Variants in SH3D19 observed in about 807,000 individuals in gnomAD.
The protein encoded by SH3D19 is SH3 domain-containing protein 19.
Under a neutral mutation model 112.1 loss-of-function variants are expected in SH3D19, and 58 were observed. The ratio of observed to expected loss-of-function variants is 0.52; its 90% CI spans 0.42 to 0.64. The LOEUF (loss-of-function observed/expected upper bound fraction) is 0.64. SH3D19 is among the 30% of genes least tolerant of loss of function. The probability of loss-of-function intolerance (pLI) is 0.00; values close to 1 mark genes in which losing one functional copy is unlikely to be tolerated. For synonymous variants in SH3D19, 391 were observed against 448.5 expected (o/e 0.87, Z 1.62); for missense variants, 1,090 against 1,263.4 (o/e 0.86, Z 2.08).
intron 1 of SH3D19, among the ~76,000 whole-genome samples, chr4:151,227,179 T>C (rs750597063): frequency 6.6e-6 from 1 of 152,186 alleles, no homozygotes; most frequent in Non-Finnish European, 1.5e-5. Flanking sequence ...TGCTTTTAGT[T>C]TTTCCTTAAT....
At chr4:151,177,569 G>A (rs751169933) in intron 4 of SH3D19, among the ~76,000 whole-genome samples, 3 of 152,004 alleles carry the variant, frequency 2.0e-5, no homozygotes, top group African/African-American at 7.2e-5. Context: ...GGCTGATCTC[G>A]AACTCCTGAC....
intron 2 of SH3D19, among the ~76,000 whole-genome samples, chr4:151,222,185 C>T (rs574392585): frequency 1.3e-5 from 2 of 152,294 alleles, no homozygotes; most frequent in African/African-American, 4.8e-5. Context: ...CAAGTTCCAC[C>T]CACAGAGGTG....
At chr4:151,228,083 T>A (rs1021033313) in intron 1 of SH3D19, 1 of 966,702 alleles carries the variant, frequency 1.0e-6, no homozygotes, top group African/African-American at 1.8e-5. Flanking sequence ...GTCATTTTTA[T>A]ACTTTCTGCT....
intron 1 of SH3D19, among the ~76,000 whole-genome samples, chr4:151,254,970 C>T (rs1168939605): frequency 2.0e-5 from 3 of 150,584 alleles, no homozygotes; most frequent in Non-Finnish European, 4.4e-5. Context: ...CACCTCCCTC[C>T]CGGATGGGGC....
intron 2 of SH3D19, among the ~76,000 whole-genome samples, chr4:151,225,543 A>G (rs1352663715): frequency 6.6e-6 from 1 of 152,234 alleles, no homozygotes; most frequent in Non-Finnish European, 1.5e-5. Flanking sequence ...ATACATACAT[A>G]TATAATCTAA....
intron 1 of SH3D19, among the ~76,000 whole-genome samples, chr4:151,276,094 C>T (rs1361544666): frequency 2.0e-5 from 3 of 152,124 alleles, no homozygotes; most frequent in Non-Finnish European, 2.9e-5. Flanking sequence ...CCACCCGCCT[C>T]GGCCTCCCAA....
At chr4:151,144,504 G>T in intron 11 of SH3D19, 1 of 555,544 alleles carries the variant, frequency 1.8e-6, no homozygotes, top group Non-Finnish European at 3.2e-6. Context: ...AGAACCACAA[G>T]AGCTAAACAT....
chr4:151,283,199 C>T (rs561332124), intron 1 of SH3D19: 46 of 1,613,848 alleles, frequency 2.9e-5, no homozygotes, highest in Middle Eastern at 1.6e-4. Context: ...ACAATCCCAT[C>T]GGTATCTTCT....
intron 1 of SH3D19, among the ~76,000 whole-genome samples, chr4:151,324,738 C>T (rs1403627921): frequency 1.4e-5 from 2 of 142,428 alleles, no homozygotes; most frequent in African/African-American, 5.3e-5. Context: ...CTAACGAAAA[C>T]AAGTCCTACA....
chr4:151,296,756 C>G (rs1775743150), intron 1 of SH3D19, among the ~76,000 whole-genome samples: 1 of 152,064 alleles, frequency 6.6e-6, no homozygotes, highest in Non-Finnish European at 1.5e-5. Context: ...GAGATTTTAA[C>G]AAATAAAGGT....
intron 1 of SH3D19, among the ~76,000 whole-genome samples, chr4:151,290,617 G>T (rs1454186869): frequency 6.6e-6 from 1 of 152,144 alleles, no homozygotes; most frequent in Non-Finnish European, 1.5e-5. Context: ...GGGTTGTGGT[G>T]ATGGTTGTAC....
Position 151,122,511 on chromosome 4 carries a change from TCACACACACACA to T in SH3D19, c.3028-316_3028-305del, listed in dbSNP as rs3064664. On this transcript the variant is annotated intron_variant, in intron 19 of 19. Coordinates refer to ENST00000604030, the MANE Select transcript of SH3D19 (RefSeq NM_001378122.1). ...CCTCTTGAACAAATAATACCAGTTA[TCACACACACACA>T]CACACACACACACACGATTATTTAT... Among the ~76,000 whole-genome samples the T allele has an allele frequency of 2.7e-5, 4 of 148,520 alleles. No individual in the cohort carries two copies. In the South Asian group the frequency reaches 8.6e-4, roughly 32 times the overall value.
intron 1 of SH3D19, among the ~76,000 whole-genome samples, chr4:151,287,374 C>T (rs1281306835): frequency 2.0e-5 from 3 of 151,182 alleles, no homozygotes; most frequent in Non-Finnish European, 4.4e-5. Context: ...GGGAACACTT[C>T]CCAACTCATT....
intron 1 of SH3D19, among the ~76,000 whole-genome samples, chr4:151,278,646 T>G (rs980130306): frequency 6.6e-6 from 1 of 151,936 alleles, no homozygotes; most frequent in Non-Finnish European, 1.5e-5. Flanking sequence ...TTCCTTTTCT[T>G]TTCAGACAGG....
chr4:151,186,422 G>C (rs1246241048), intron 3 of SH3D19, among the ~76,000 whole-genome samples: 1 of 152,150 alleles, frequency 6.6e-6, no homozygotes, highest in Non-Finnish European at 1.5e-5. Context: ...AAAAGGAACA[G>C]GATTTAATAC....
chr4:151,316,136 G>T (rs1315791186), intron 1 of SH3D19, among the ~76,000 whole-genome samples: 2 of 152,124 alleles, frequency 1.3e-5, no homozygotes, highest in Non-Finnish European at 2.9e-5. Context: ...CTTGAATTGT[G>T]ATAAAAATGG....
intron 1 of SH3D19, among the ~76,000 whole-genome samples, chr4:151,312,809 G>A (rs1174565529): frequency 1.3e-5 from 2 of 151,556 alleles, no homozygotes; most frequent in African/African-American, 4.8e-5. Context: ...GCTGAGGCAG[G>A]AGAATGGTGT....
chr4:151,208,997 A>T (rs1194737383), intron 2 of SH3D19, among the ~76,000 whole-genome samples: 1 of 152,142 alleles, frequency 6.6e-6, no homozygotes, highest in Non-Finnish European at 1.5e-5. Flanking sequence ...TTTAATATAC[A>T]TCTCCTACTG....
chr4:151,313,487 A>T lies in SH3D19; in HGVS notation c.112+11754T>A, dbSNP rs527541310. 6.6e-5 allele frequency among the ~76,000 whole-genome samples: 10 copies of T among 151,832 alleles called. No individual in the cohort carries two copies. In the South Asian group the frequency reaches 2.1e-3, roughly 32 times the overall value. On this transcript the variant is annotated intron_variant, in intron 1 of 19. Coordinates refer to ENST00000604030, the MANE Select transcript of SH3D19 (RefSeq NM_001378122.1). Reference sequence around the variant, plus strand: ...GCTGGAGTGCAGTGGTGCAATCATGACTCACTGCAGCCTCAAACACCTGGG... The same window carrying T: ...GCTGGAGTGCAGTGGTGCAATCATGTCTCACTGCAGCCTCAAACACCTGGG...
Sources: allele counts gnomAD v4.1 joint callset (sites outside exome capture counted in the v4.1 genomes callset), GRCh38; gene constraint gnomAD v4.1.1; transcripts MANE v1.5; gene names NCBI Gene and HGNC (gene_info 2026-07-23, HGNC 2026-07-21).